EIF4G3: variants seen among roughly 807,000 people sequenced by gnomAD.
The protein encoded by EIF4G3 is eukaryotic translation initiation factor 4 gamma 3, also known as eIF-4-gamma 3.
EIF4G3 carries 34 observed loss-of-function variants against 186.4 expected under a neutral mutation model. The ratio of observed to expected loss-of-function variants is 0.18; its 90% confidence interval spans 0.14 to 0.24. The LOEUF is 0.24. Among genes scored for constraint, EIF4G3 ranks in the 10% least tolerant of loss-of-function variants. The pLI, the probability that EIF4G3 is intolerant of heterozygous loss-of-function variation, is 1.00. For missense variants in EIF4G3, 1,536 were observed against 1,948.5 expected, an observed-to-expected ratio of 0.79 and a Z score of 3.99; for synonymous variants, 673 against 679.5, an observed-to-expected ratio of 0.99 and a Z score of 0.15.
rs2063251007 is a variant in EIF4G3 at position 20,825,006 on chromosome 1, T to C, written c.4368+94A>G. 4 of 753,460 alleles carry C rather than the reference T, an allele frequency of 5.3e-6. No individual in the cohort carries two copies. The South Asian group carries it at 1.0e-4, about 20-fold the overall frequency. The allele number at this position is 753,460 out of a possible 1,614,324, so 46.7% of individuals were successfully genotyped here. ...TACCAAGATTCCTATTTTGATGCAA[T>C]TTTAACGACTGGAATACGAAGGAAA... is the stretch of plus-strand genomic sequence containing the variant. On this transcript the variant is annotated intron_variant, in intron 33 of 36. Transcript: ENST00000602326.
At chr1:20,822,355 CTTTTTTTTTTT>C (rs57050580) in intron 33 of EIF4G3, among the ~76,000 whole-genome samples, 1 of 65,048 alleles carries the variant, frequency 1.5e-5, no homozygotes. Context: ...AAAGAACCAG[CTTTTTTTTTTT>C]TTTTTTTTTT....
chr1:20,981,048 C>A lies in EIF4G3; in HGVS notation c.378G>T (p.Gln126His). 1 of 1,543,646 alleles carries A rather than the reference C, an allele frequency of 6.5e-7. No individual in the cohort carries two copies. The highest frequency in any genetic ancestry group is 8.8e-7 in the Non-Finnish European group (1 of 1,139,400). ...CACCTAGGCCTCAAAGATACTTTAC[C>A]TGTGGTATACAGTACTGAGGCCCCT... is the stretch of plus-strand genomic sequence containing the variant. ...VPQGPQYCIP[Q>H]YRHSGPPYVG... Residue 126 changes from glutamine to histidine, a missense_variant and splice_region_variant, in exon 9 of 37, where the codon CAG becomes CAT. Around this residue, in one of 11 missense-constraint regions of EIF4G3, gnomAD observed 194 missense variants for 212.8 expected, o/e 0.91. Transcript: ENST00000602326.
At chr1:21,095,441 A>G (rs942940279) in intron 2 of EIF4G3, among the ~76,000 whole-genome samples, 2 of 152,130 alleles carry the variant, frequency 1.3e-5, no homozygotes, top group Admixed American at 6.6e-5. Context: ...TCACCAGAGT[A>G]GCTGGGACTA....
At chr1:21,083,767 T>A (rs1181109794) in intron 3 of EIF4G3, among the ~76,000 whole-genome samples, 1 of 152,252 alleles carries the variant, frequency 6.6e-6, no homozygotes, top group African/African-American at 2.4e-5. Flanking sequence ...CAGTGTGCTG[T>A]TGCTCACAGG....
intron 13 of EIF4G3, among the ~76,000 whole-genome samples, chr1:20,944,943 T>C (rs150300035): frequency 1.8e-3 from 280 of 152,258 alleles, no homozygotes; most frequent in Non-Finnish European, 2.8e-3. Flanking sequence ...AGGTTGAGGC[T>C]GCAGGGAGCT....
At chr1:21,164,234 A>C (rs2097817669) in intron 2 of EIF4G3, among the ~76,000 whole-genome samples, 1 of 152,246 alleles carries the variant, frequency 6.6e-6, no homozygotes, top group African/African-American at 2.4e-5. Flanking sequence ...CAGGACAGCA[A>C]AACAGTCAAA....
At chr1:20,934,667 C>T (rs1420450786) in intron 14 of EIF4G3, among the ~76,000 whole-genome samples, 1 of 151,968 alleles carries the variant, frequency 6.6e-6, no homozygotes, top group Non-Finnish European at 1.5e-5. Flanking sequence ...TGCATTCACA[C>T]CACTGTAAGT....
At chr1:21,010,873 A>C (rs1205541655) in intron 4 of EIF4G3, among the ~76,000 whole-genome samples, 4 of 152,320 alleles carry the variant, frequency 2.6e-5, no homozygotes, top group South Asian at 4.1e-4. Context: ...TAAGCATAGC[A>C]CTTGTTTTCC....
At chr1:20,808,104 G>A (rs12030051) in intron 36 of EIF4G3, among the ~76,000 whole-genome samples, 78,867 of 151,228 alleles carry the variant, frequency 0.52, 21,251 homozygotes, top group East Asian at 0.83. Flanking sequence ...GGCTGGTCTC[G>A]AACTCCTGAC....
chr1:20,944,116 C>T (rs1372431039), intron 13 of EIF4G3, among the ~76,000 whole-genome samples: 1 of 150,734 alleles, frequency 6.6e-6, no homozygotes, highest in Admixed American at 6.6e-5. Flanking sequence ...AAAATAATTT[C>T]CAGCTCACTG....
At chr1:20,855,194 C>A in intron 25 of EIF4G3, 123 bp from the exon 26 acceptor site, 2 of 655,512 alleles carry the variant, frequency 3.1e-6, no homozygotes, top group Non-Finnish European at 2.5e-6. Context: ...TTTGGAATGC[C>A]AATTTAATAG....
intron 14 of EIF4G3, among the ~76,000 whole-genome samples, chr1:20,910,306 C>T (rs1162241654): frequency 2.6e-5 from 4 of 152,130 alleles, no homozygotes; most frequent in Non-Finnish European, 4.4e-5. Context: ...ACCTTCTTGG[C>T]TGGGCATGGT....
intron 36 of EIF4G3, among the ~76,000 whole-genome samples, chr1:20,809,241 G>C (rs1486703932): frequency 1.3e-5 from 2 of 152,046 alleles, no homozygotes; most frequent in Non-Finnish European, 2.9e-5. Context: ...TTTTTAAAAA[G>C]ACTTATCTTT....
At chr1:20,968,477 G>A (rs553397638) in intron 12 of EIF4G3, among the ~76,000 whole-genome samples, 3 of 152,190 alleles carry the variant, frequency 2.0e-5, no homozygotes, top group East Asian at 1.9e-4. Flanking sequence ...CAACGCGCCC[G>A]GCCTTGAAAT....
chr1:21,148,099 C>T (rs1351779150), intron 2 of EIF4G3, among the ~76,000 whole-genome samples: 3 of 152,150 alleles, frequency 2.0e-5, no homozygotes, highest in Admixed American at 6.5e-5. Flanking sequence ...AAGAGTCTTG[C>T]TCTGTCACCC....
At chr1:21,114,068 C>A (rs1430643119) in intron 2 of EIF4G3, among the ~76,000 whole-genome samples, 5 of 151,918 alleles carry the variant, frequency 3.3e-5, no homozygotes, top group Non-Finnish European at 7.4e-5. Context: ...TCAGAAAAGT[C>A]TATTAAGTAT....
chr1:21,040,760 C>T lies in EIF4G3; in HGVS notation c.-67+10106G>A, dbSNP rs527426355. ...GGACTCCGTACTTTTAAATCTGAGT[C>T]CCTGTGGATGAACCCTAACTCAGCT... On this transcript the variant is annotated intron_variant, in intron 4 of 36. Coordinates refer to ENST00000602326, the MANE Select transcript of EIF4G3 (RefSeq NM_001391906.1). 2.6e-5 allele frequency among the ~76,000 whole-genome samples: 4 copies of T among 152,232 alleles called. No homozygotes were observed. In the East Asian group the frequency reaches 7.7e-4, roughly 29 times the overall value.
At chr1:20,932,655 G>A (rs1009527709) in intron 14 of EIF4G3, among the ~76,000 whole-genome samples, 1 of 152,188 alleles carries the variant, frequency 6.6e-6, no homozygotes, top group Non-Finnish European at 1.5e-5. Context: ...CCGGTTGGTG[G>A]AGCAGTCAGA....
intron 24 of EIF4G3, among the ~76,000 whole-genome samples, chr1:20,859,598 T>G (rs1257047628): frequency 6.6e-6 from 1 of 152,200 alleles, no homozygotes; most frequent in East Asian, 1.9e-4. Flanking sequence ...CATGTCTCTA[T>G]TTTTGTTTTG....
Sources: allele counts gnomAD v4.1 joint callset (sites outside exome capture counted in the v4.1 genomes callset), GRCh38; gene constraint gnomAD v4.1.1; regional missense constraint gnomAD v4.1.1; transcripts MANE v1.5; gene names NCBI Gene and HGNC (gene_info 2026-07-23, HGNC 2026-07-21).